Variants in RGS3 observed in about 807,000 individuals in gnomAD.
RGS3 encodes regulator of G-protein signalling 3.
In RGS3, 80 loss-of-function variants were observed where a neutral mutation model predicts 132.6. The observed-to-expected ratio is 0.60, with a 90% CI of 0.50 to 0.73. The LOEUF (loss-of-function observed/expected upper bound fraction) is 0.73, where lower values mean the gene tolerates loss of function less well. RGS3 is among the 30% of genes least tolerant of loss of function. The pLI is 0.00. For synonymous variants in RGS3, 598 were observed against 620.6 expected, an observed-to-expected ratio of 0.96 and a Z score of 0.54; for missense variants, 1,382 against 1,530.8, an observed-to-expected ratio of 0.90 and a Z score of 1.62.
chr9:113,549,615 G>T (rs1420374643), intron 19 of RGS3, among the ~76,000 whole-genome samples: 1 of 152,134 alleles, frequency 6.6e-6, no homozygotes, highest in Admixed American at 6.5e-5. Flanking sequence ...TAACATTTTG[G>T]AATGTGTCCT....
exon 24 of RGS3, chr9:113,595,648 G>C: frequency 6.2e-7 from 1 of 1,614,224 alleles, no homozygotes. Context: ...TCAGTGAGGA[G>C]AATCTGGAGT....
chr9:113,475,259 A>C (rs1829954782), intron 3 of RGS3, among the ~76,000 whole-genome samples: 1 of 152,172 alleles, frequency 6.6e-6, no homozygotes, highest in Non-Finnish European at 1.5e-5. Context: ...TCATGGGAAC[A>C]GGGGACATGC....
chr9:113,517,197 G>C, intron 15 of RGS3: 1 of 494,950 alleles, frequency 2.0e-6, no homozygotes, highest in Non-Finnish European at 4.0e-6. Context: ...GATGGCGGGG[G>C]CTGGGAGGGC....
At position 113,565,275 on chromosome 9, in the gene RGS3, G is replaced by A; in HGVS notation, c.2038-18175G>A. The A allele has an allele frequency of 1.6e-6, 2 of 1,289,570 alleles. No homozygotes were observed. The highest frequency in any genetic ancestry group is 2.0e-6 in the Non-Finnish European group (2 of 988,724). The allele number at this position is 1,289,570 out of a possible 1,614,324, so 79.9% of individuals were successfully genotyped here. The stretch of plus-strand genomic sequence containing the variant: ...ATCCCGGACTCCATCTCGGATGAAA[G>A]TGCTTTGAGAAACCACAGAGTTTTC... On this transcript the variant is annotated intron_variant, in intron 19 of 24. Coordinates refer to ENST00000350696, the Ensembl canonical transcript of RGS3. The surrounding 1 kb of genome is among the most constrained non-coding windows in gnomAD (Gnocchi z 5.7).
chr9:113,582,814 G>A (rs1163586816), intron 19 of RGS3: 1 of 152,432 alleles, frequency 6.6e-6, no homozygotes, highest in East Asian at 1.9e-4. Context: ...CTTCAGGGAG[G>A]TTCCGTGTGT....
rs1256236123 is a variant in RGS3, at chr9:113,591,387, A to G, written c.3070A>G (p.Ser1024Gly). The change falls in exon 21 of 25, where the codon AGC becomes GGC. Residue 1024 changes from serine to glycine, a missense_variant. By Grantham distance (56) the Ser-to-Gly change is moderately conservative (BLOSUM62 0). Coordinates refer to ENST00000350696, the Ensembl canonical transcript of RGS3. This position sits in a 1 kb window ranked among gnomAD's most constrained non-coding sequence, Gnocchi z 4.4. ...TGACGAAGCCTCCCGGAAGAGAAAG[A>G]GCAAAAACCTGTACGTTGGGAAGAT... is the stretch of plus-strand genomic sequence containing the variant. The G allele has an allele frequency of 1.9e-6, 3 of 1,613,574 alleles. No homozygotes were observed. The highest frequency in any genetic ancestry group is 2.5e-6 in the Non-Finnish European group (3 of 1,179,894).
chr9:113,580,850 G>A, intron 19 of RGS3: 3 of 985,794 alleles, frequency 3.0e-6, no homozygotes, highest in Non-Finnish European at 3.6e-6. Flanking sequence ...CTGACTGACA[G>A]TCACCACTGG....
chr9:113,596,701 A>C, intron 24 of RGS3, 67 bp from the exon 23 acceptor site: 1 of 1,425,246 alleles, frequency 7.0e-7, no homozygotes, highest in Non-Finnish European at 9.5e-7. Flanking sequence ...GGTCCCTTCC[A>C]GGCACATGGG....
chr9:113,595,405 A>C (rs914618822), intron 23 of RGS3, 194 bp from the exon 22 acceptor site: 11 of 594,142 alleles, frequency 1.9e-5, no homozygotes, highest in African/African-American at 1.5e-4. Context: ...AGAGAGGGGG[A>C]GACCCCACTG....
At position 113,565,460 on chromosome 9, in the gene RGS3, A is replaced by G. The variant is rs1312981289; in HGVS notation, c.2038-17990A>G. ...GGACGGGTGATGCAAGGGTTTTGAA[A>G]GCGCTACCTAGATGTGGGAGGTGGA... On this transcript the variant is annotated intron_variant, in intron 19 of 24. Transcript: ENST00000350696. The surrounding 1 kb of genome is among the most constrained non-coding windows in gnomAD (Gnocchi z 5.7). 2.7e-6 allele frequency: 3 copies of G among 1,099,632 alleles called. No individual in the cohort carries two copies. In the East Asian group the frequency reaches 1.8e-4, roughly 64 times the overall value. The allele number at this position is 1,099,632 out of a possible 1,614,324, so 68.1% of individuals were successfully genotyped here.
At chr9:113,528,907 C>T (rs570985232) in intron 17 of RGS3, among the ~76,000 whole-genome samples, 3 of 152,332 alleles carry the variant, frequency 2.0e-5, no homozygotes, top group East Asian at 3.9e-4. Flanking sequence ...AGGAGGCCTC[C>T]TGGGATGGAT....
chr9:113,474,374 A>T (rs992229952), intron 3 of RGS3, among the ~76,000 whole-genome samples: 1 of 152,294 alleles, frequency 6.6e-6, no homozygotes, highest in East Asian at 1.9e-4. Flanking sequence ...CTCCTGGGTT[A>T]TGTCCATAGA....
Position 113,483,069 on chromosome 9 carries a change from TA to T in RGS3, c.480del (p.Gly161AlafsTer2), listed in dbSNP as rs769787664. Reference sequence around the variant, plus strand: ...TGAATTCTCTTTTAGTTATAGAAGGTAAAGGCCTGATCAGCAAACAGCCTGG... The same window carrying T: ...TGAATTCTCTTTTAGTTATAGAAGGTAAGGCCTGATCAGCAAACAGCCTGG... On this transcript the variant is annotated frameshift_variant, in exon 5 of 25. Coordinates refer to ENST00000350696, the Ensembl canonical transcript of RGS3. LOFTEE classifies it high-confidence loss of function. 3 of 1,614,096 alleles carry T rather than the reference TA, an allele frequency of 1.9e-6. No individual in the cohort carries two copies. The highest frequency in any genetic ancestry group is 1.7e-5 in the Admixed American group (1 of 60,014).
chr9:113,470,351 A>C (rs777676687), intron 3 of RGS3, among the ~76,000 whole-genome samples: 7 of 152,262 alleles, frequency 4.6e-5, no homozygotes, highest in Non-Finnish European at 8.8e-5. Context: ...GGTGTATTAG[A>C]ATTCCCACTG....
intron 17 of RGS3, among the ~76,000 whole-genome samples, chr9:113,524,691 A>G (rs571904083): frequency 6.6e-6 from 1 of 152,288 alleles, no homozygotes; most frequent in South Asian, 2.1e-4. Flanking sequence ...CTGACTGGGA[A>G]CTAAGGGTGG....
At chr9:113,589,645 G>A (rs993348844) in intron 20 of RGS3, among the ~76,000 whole-genome samples, 32 of 152,220 alleles carry the variant, frequency 2.1e-4, no homozygotes, top group African/African-American at 7.5e-4. Flanking sequence ...CACGGGTGGG[G>A]GCCTTGGGCA....
intron 14 of RGS3, among the ~76,000 whole-genome samples, chr9:113,511,401 TAA>T (rs113868012): frequency 1.1e-3 from 162 of 141,566 alleles, no homozygotes; most frequent in South Asian, 3.8e-3. Flanking sequence ...TGTACTGTTC[TAA>T]AAAAAAAAAA....
chr9:113,568,547 A>G (rs1564582422), intron 19 of RGS3, among the ~76,000 whole-genome samples: 1 of 152,178 alleles, frequency 6.6e-6, no homozygotes, highest in East Asian at 1.9e-4. Flanking sequence ...GGCTTCCAAA[A>G]GTCAATGGTC....
At chr9:113,449,361 T>G (rs1829188700) in intron 1 of RGS3, among the ~76,000 whole-genome samples, 1 of 152,014 alleles carries the variant, frequency 6.6e-6, no homozygotes, top group African/African-American at 2.4e-5. Context: ...AAATGTGAAG[T>G]CAAGAGGAAG....
Sources: allele counts gnomAD v4.1 joint callset (sites outside exome capture counted in the v4.1 genomes callset), GRCh38; gene constraint gnomAD v4.1.1; non-coding constraint Gnocchi (gnomAD v3.1); transcripts MANE v1.5; gene names NCBI Gene and HGNC (gene_info 2026-07-23, HGNC 2026-07-21).